Variants in BMPR2 observed in about 807,000 individuals in gnomAD.
BMPR2 encodes bone morphogenetic protein receptor type 2, also known as bone morphogenetic protein receptor type-2.
In BMPR2, 29 loss-of-function variants were observed where a neutral mutation model predicts 100.8. That is an observed-to-expected ratio of 0.29 (90% CI 0.21 to 0.39). The LOEUF is 0.39. BMPR2 is among the 10% of genes least tolerant of loss of function. The probability of loss-of-function intolerance (pLI) is 1.00; values close to 1 mark genes in which losing one functional copy is unlikely to be tolerated. For missense variants in BMPR2, 1,011 were observed against 1,274.5 expected, an observed-to-expected ratio of 0.79 and a Z score of 3.15; for synonymous variants, 382 against 442.3, an observed-to-expected ratio of 0.86 and a Z score of 1.71.
At chr2:202,421,310 G>GA (rs35984037) in intron 1 of BMPR2, among the ~76,000 whole-genome samples, 5,186 of 94,804 alleles carry the variant, frequency 0.055, 286 homozygotes, top group African/African-American at 0.17. Context: ...TCTCCAAAAG[G>GA]AAAAAAAAAA....
At chr2:202,509,740 T>C (rs955061925) in intron 3 of BMPR2, among the ~76,000 whole-genome samples, 1 of 151,920 alleles carries the variant, frequency 6.6e-6, no homozygotes, top group Admixed American at 6.6e-5. Flanking sequence ...ATACTGAAAT[T>C]TAAACATGTC....
chr2:202,388,359 T>C (rs574901759), intron 1 of BMPR2, among the ~76,000 whole-genome samples: 4 of 123,286 alleles, frequency 3.2e-5, no homozygotes, highest in Non-Finnish European at 6.3e-5. Context: ...ATTGTGTCAC[T>C]GCACTCTAGC....
At chr2:202,538,755 C>T (rs1310506490) in intron 9 of BMPR2, among the ~76,000 whole-genome samples, 1 of 148,604 alleles carries the variant, frequency 6.7e-6, no homozygotes, top group Admixed American at 6.8e-5. Flanking sequence ...GATCGCGCCA[C>T]CGCACTCCAG....
At chr2:202,483,785 T>G (rs1413018387) in intron 3 of BMPR2, among the ~76,000 whole-genome samples, 2 of 152,204 alleles carry the variant, frequency 1.3e-5, no homozygotes, top group Admixed American at 1.3e-4. Context: ...GTATTGGAAC[T>G]TGTTACTCAG....
At chr2:202,464,655 C>T (rs1255601164) in intron 1 of BMPR2, among the ~76,000 whole-genome samples, 154 bp from the exon 2 acceptor site, 2 of 151,984 alleles carry the variant, frequency 1.3e-5, no homozygotes, top group Admixed American at 6.6e-5. Flanking sequence ...AACAGAAGAA[C>T]GTCATTGAAT....
intron 1 of BMPR2, among the ~76,000 whole-genome samples, chr2:202,451,942 T>C (rs1465788247): frequency 6.6e-6 from 1 of 151,934 alleles, no homozygotes; most frequent in Non-Finnish European, 1.5e-5. Flanking sequence ...TTAGTAGAGA[T>C]GCGGTTTCTC....
At chr2:202,404,362 T>G (rs1171887947) in intron 1 of BMPR2, among the ~76,000 whole-genome samples, 3 of 151,986 alleles carry the variant, frequency 2.0e-5, no homozygotes, top group Non-Finnish European at 4.4e-5. Context: ...CGGCTAATTT[T>G]TATATATTTT....
chr2:202,413,391 T>A (rs893112407), intron 1 of BMPR2, among the ~76,000 whole-genome samples: 2 of 152,158 alleles, frequency 1.3e-5, no homozygotes, highest in Non-Finnish European at 2.9e-5. Flanking sequence ...AGGAGTTGAG[T>A]GTCAGTGCAT....
intron 1 of BMPR2, among the ~76,000 whole-genome samples, chr2:202,412,161 C>T (rs1559030225): frequency 6.6e-6 from 1 of 152,012 alleles, no homozygotes; most frequent in Non-Finnish European, 1.5e-5. Flanking sequence ...GTTGAAAACA[C>T]ATGTATTAGA....
chr2:202,488,865 C>G (rs1692837995), intron 3 of BMPR2, among the ~76,000 whole-genome samples: 1 of 152,190 alleles, frequency 6.6e-6, no homozygotes, highest in South Asian at 2.1e-4. Context: ...AACTGAAACT[C>G]TATACCCATT....
intron 7 of BMPR2, among the ~76,000 whole-genome samples, chr2:202,525,768 C>A (rs1401230809): frequency 6.7e-6 from 1 of 150,164 alleles, no homozygotes; most frequent in African/African-American, 2.4e-5. Flanking sequence ...AGCCTTTGCT[C>A]GTGTTTCAGA....
intron 7 of BMPR2, among the ~76,000 whole-genome samples, chr2:202,524,228 G>A (rs1251148646): frequency 6.6e-6 from 1 of 152,014 alleles, no homozygotes; most frequent in Non-Finnish European, 1.5e-5. Flanking sequence ...CGGGTGTGGT[G>A]GTGGGCGCCT....
At chr2:202,467,178 G>A (rs1023264339) in intron 2 of BMPR2, 10 of 324,202 alleles carry the variant, frequency 3.1e-5, no homozygotes, top group South Asian at 1.4e-4. Context: ...TAGGAGAATC[G>A]CTTGAACCCG....
rs116164938 is a variant in BMPR2 at position 202,509,219 on chromosome 2, A to T, written c.419-4500A>T. On this transcript the variant is annotated intron_variant, in intron 3 of 12. Transcript: ENST00000374580. ...CTTTTTAGTATCTCTTATTTTGAAT[A>T]AAAAAAAATTAAGTACCATGTATAT... Among the ~76,000 whole-genome samples, 965 of 150,370 alleles carry T rather than the reference A, an allele frequency of 6.4e-3. 15 individuals carry two copies. Among genetic ancestry groups the T allele is most frequent in the African/African-American group, 0.022 (893 of 40,194 alleles).
At chr2:202,534,654 C>T (rs567514697) in intron 9 of BMPR2, among the ~76,000 whole-genome samples, 29 of 152,334 alleles carry the variant, frequency 1.9e-4, no homozygotes, top group South Asian at 1.2e-3. Context: ...TCTCCCATGT[C>T]TACTTCTTTC....
At chr2:202,448,915 T>C (rs7589059) in intron 1 of BMPR2, among the ~76,000 whole-genome samples, 49,458 of 149,508 alleles carry the variant, frequency 0.33, 9,074 homozygotes, top group African/African-American at 0.5. Context: ...ATTTTGTCAG[T>C]TTAGAATTGG....
chr2:202,465,614 T>G (rs1014100826), intron 2 of BMPR2, among the ~76,000 whole-genome samples: 2 of 151,574 alleles, frequency 1.3e-5, no homozygotes, highest in Non-Finnish European at 2.9e-5. Context: ...ATCCCAGCAC[T>G]TTGGGAGGCC....
intron 3 of BMPR2, among the ~76,000 whole-genome samples, chr2:202,472,530 A>T (rs1692456328): frequency 6.6e-6 from 1 of 152,128 alleles, no homozygotes; most frequent in Admixed American, 6.5e-5. Context: ...ATGGTGGCGC[A>T]TGCCTGTAAT....
chr2:202,520,453 C>T, intron 7 of BMPR2: 1 of 520,196 alleles, frequency 1.9e-6, no homozygotes, highest in Non-Finnish European at 3.4e-6. Flanking sequence ...TACCTGGAGG[C>T]TATCATGACC....
Sources: gnomAD v4.1 joint callset for allele counts (sites outside exome capture counted in the v4.1 genomes callset) on GRCh38, gnomAD v4.1.1 for gene constraint, MANE v1.5 for transcripts, NCBI Gene and HGNC (gene_info 2026-07-23, HGNC 2026-07-21) for gene names.